The following TSNARE1 variants were observed in gnomAD, a reference collection of about 807,000 sequenced individuals.
TSNARE1 encodes the protein t-SNARE domain-containing protein 1.
TSNARE1 carries 49 observed loss-of-function variants against 62.0 expected under a neutral mutation model. The observed-to-expected ratio is 0.79, with a 90% CI of 0.63 to 1.00. The LOEUF (loss-of-function observed/expected upper bound fraction) is 1.00. Among genes scored for constraint, TSNARE1 ranks in the 50% least tolerant of loss-of-function variants. The pLI is 0.00. For synonymous variants in TSNARE1, 328 were observed against 294.4 expected (o/e 1.11, Z -1.17); for missense variants, 755 against 700.1 (o/e 1.08, Z -0.88).
chr8:142,258,044 T>A (rs556506481), intron 12 of TSNARE1, among the ~76,000 whole-genome samples: 8 of 152,110 alleles, frequency 5.3e-5, no homozygotes, highest in African/African-American at 1.9e-4. Flanking sequence ...CACATGCACT[T>A]GTGCTCACAC....
intron 8 of TSNARE1, 110 bp from the exon 9 acceptor site, chr8:142,314,550 C>T (rs573622373): frequency 7.5e-5 from 66 of 880,796 alleles, no homozygotes; most frequent in Admixed American, 1.5e-4. Flanking sequence ...CAGCAAAACA[C>T]GCCTGCCACT....
chr8:142,283,989 AG>A (rs1471538984), intron 11 of TSNARE1, among the ~76,000 whole-genome samples: 1 of 137,952 alleles, frequency 7.2e-6, no homozygotes, highest in Non-Finnish European at 1.6e-5. Context: ...CAGAGTATGG[AG>A]CCAGTGTCTG....
At chr8:142,235,003 A>C (rs2130124771) in intron 12 of TSNARE1, among the ~76,000 whole-genome samples, 1 of 152,288 alleles carries the variant, frequency 6.6e-6, no homozygotes, top group East Asian at 1.9e-4. Flanking sequence ...CCCCAGCAAA[A>C]GAATGGAAGC....
At chr8:142,240,030 TA>T (rs1249807931) in intron 12 of TSNARE1, among the ~76,000 whole-genome samples, 6 of 152,166 alleles carry the variant, frequency 3.9e-5, no homozygotes, top group Non-Finnish European at 8.8e-5. Flanking sequence ...AATAATGGAT[TA>T]AACTCGCCAA....
chr8:142,235,609 A>G (rs13262595), intron 12 of TSNARE1, among the ~76,000 whole-genome samples: 102,327 of 151,968 alleles, frequency 0.67, 35,917 homozygotes, highest in African/African-American at 0.87. Context: ...AAATGTTCAC[A>G]TCAAAAATAC....
At chr8:142,342,896 C>A (rs377080648) in intron 4 of TSNARE1, among the ~76,000 whole-genome samples, 1 of 151,306 alleles carries the variant, frequency 6.6e-6, no homozygotes, top group African/African-American at 2.4e-5. Flanking sequence ...TGCCCGGGCC[C>A]ACCACATCAG....
chr8:142,278,437 T>C, intron 11 of TSNARE1: 13 of 985,450 alleles, frequency 1.3e-5, no homozygotes, highest in Non-Finnish European at 1.6e-5. Context: ...TTCCGGGGCT[T>C]CGTTCCCAAA....
At chr8:142,345,941 C>T in intron 2 of TSNARE1, 49 bp from the exon 3 acceptor site, 1 of 1,577,766 alleles carries the variant, frequency 6.3e-7, no homozygotes, top group Non-Finnish European at 8.6e-7. Context: ...CAGGGCGCTC[C>T]TGGCAGTGCC....
At chr8:142,220,830 G>A (rs143630227) in intron 13 of TSNARE1, among the ~76,000 whole-genome samples, 1,631 of 152,322 alleles carry the variant, frequency 0.011, 17 homozygotes, top group Non-Finnish European at 0.017. Flanking sequence ...CGCTAGCTGT[G>A]CAACCTCGGG....
intron 12 of TSNARE1, among the ~76,000 whole-genome samples, chr8:142,268,037 G>A (rs892151711): frequency 2.7e-4 from 41 of 152,172 alleles, no homozygotes; most frequent in Non-Finnish European, 1.9e-4. Context: ...AAGAGAAGGG[G>A]TTTCCAGGCC....
chr8:142,372,241 G>T (rs1191974390), intron 1 of TSNARE1, among the ~76,000 whole-genome samples: 1 of 152,234 alleles, frequency 6.6e-6, no homozygotes, highest in Non-Finnish European at 1.5e-5. Context: ...ACGACAGACA[G>T]AGGATGGGCC....
chr8:142,354,583 C>T (rs911949754), intron 2 of TSNARE1, 54 bp downstream of exon 2: 9 of 1,292,962 alleles, frequency 7.0e-6, no homozygotes, highest in Middle Eastern at 3.7e-4. Context: ...AGGATCCTAC[C>T]CTACCCACTA....
chr8:142,309,493 T>A (rs1194595145), intron 9 of TSNARE1, among the ~76,000 whole-genome samples: 1 of 152,224 alleles, frequency 6.6e-6, no homozygotes, highest in East Asian at 1.9e-4. Context: ...ATCGAGTGCT[T>A]TTTTCTATCT....
intron 12 of TSNARE1, among the ~76,000 whole-genome samples, chr8:142,255,956 T>C (rs1290759345): frequency 2.3e-4 from 11 of 48,698 alleles, no homozygotes; most frequent in Admixed American, 8.8e-4. Flanking sequence ...ATCATCACCA[T>C]CACCACCACC....
intron 1 of TSNARE1, among the ~76,000 whole-genome samples, chr8:142,394,249 G>A (rs1409137059): frequency 6.6e-6 from 1 of 152,214 alleles, no homozygotes; most frequent in Non-Finnish European, 1.5e-5. Context: ...AAGACGGGAG[G>A]TGCTCTGCCC....
chr8:142,256,172 TCACCATCACCAC>T (rs1354837797), intron 12 of TSNARE1, among the ~76,000 whole-genome samples: 4 of 66,158 alleles, frequency 6.0e-5, no homozygotes, highest in Non-Finnish European at 1.2e-4. Context: ...ACCACCACCA[TCACCATCACCAC>T]CACCATCATC....
chr8:142,309,432 T>A (rs1410293184), intron 9 of TSNARE1, among the ~76,000 whole-genome samples: 1 of 152,214 alleles, frequency 6.6e-6, no homozygotes, highest in Non-Finnish European at 1.5e-5. Context: ...GGCACTCCTA[T>A]CTATTCCTAG....
chr8:142,311,843 TTGTC>T (rs143732642), intron 9 of TSNARE1, among the ~76,000 whole-genome samples: 2,318 of 152,308 alleles, frequency 0.015, 75 homozygotes, highest in African/African-American at 0.053. Flanking sequence ...TTTTTCTGCT[TTGTC>T]TATGTGGAGA....
At chr8:142,250,025 G>A (rs981978284) in intron 12 of TSNARE1, among the ~76,000 whole-genome samples, 1 of 152,198 alleles carries the variant, frequency 6.6e-6, no homozygotes, top group South Asian at 2.1e-4. Context: ...CCTGCTGAGG[G>A]GTCCTGGGCA....
Sources: allele counts gnomAD v4.1 joint callset (sites outside exome capture counted in the v4.1 genomes callset), GRCh38; gene constraint gnomAD v4.1.1; transcripts MANE v1.5; gene names NCBI Gene and HGNC (gene_info 2026-07-23, HGNC 2026-07-21).